LRP12: variants seen among roughly 807,000 people sequenced by gnomAD.
LRP12 encodes LDL receptor related protein 12.
A neutral mutation model predicts 66.0 loss-of-function variants in LRP12; 14 were observed. The observed-to-expected ratio is 0.21, with a 90% confidence interval of 0.14 to 0.33. LRP12 has a LOEUF of 0.33. Among genes scored for constraint, LRP12 ranks in the 10% least tolerant of loss-of-function variants. The pLI is 1.00. For synonymous variants in LRP12, 357 were observed against 359.1 expected (o/e 0.99, Z 0.07); for missense variants, 889 against 1,053.4 (o/e 0.84, Z 2.16).
intron 1 of LRP12, among the ~76,000 whole-genome samples, chr8:104,588,104 C>A (rs1812363338): frequency 1.3e-5 from 2 of 152,208 alleles, no homozygotes; most frequent in South Asian, 2.1e-4. Context: ...AATAAAGTAA[C>A]AGTGACCACA....
intron 2 of LRP12, among the ~76,000 whole-genome samples, chr8:104,510,236 G>A (rs1810971141): frequency 6.6e-6 from 1 of 152,162 alleles, no homozygotes; most frequent in South Asian, 2.1e-4. Context: ...AGAAGTTAGT[G>A]GATGATTGAA....
intron 6 of LRP12, among the ~76,000 whole-genome samples, chr8:104,493,097 CTATT>C (rs1488622638): frequency 1.3e-5 from 2 of 152,164 alleles, no homozygotes; most frequent in Non-Finnish European, 2.9e-5. Context: ...GTGAAACTCT[CTATT>C]TAGTTAAAAG....
chr8:104,562,796 A>G (rs1811934484), intron 1 of LRP12, among the ~76,000 whole-genome samples: 1 of 152,184 alleles, frequency 6.6e-6, no homozygotes, highest in Non-Finnish European at 1.5e-5. Flanking sequence ...TAATAACCTT[A>G]TTTCAAACCT....
At chr8:104,505,410 T>TC in intron 3 of LRP12, 1 of 150,154 alleles carries the variant, frequency 6.7e-6, no homozygotes, top group East Asian at 1.9e-4. Flanking sequence ...TTTTTTTTTT[T>TC]TTTTTTTTTT....
intron 1 of LRP12, among the ~76,000 whole-genome samples, chr8:104,548,850 AAG>A (rs1275559988): frequency 6.6e-6 from 1 of 151,610 alleles, no homozygotes; most frequent in East Asian, 1.9e-4. Context: ...AGGCTGAGGC[AAG>A]AGAATCGCTT....
chr8:104,548,613 A>T (rs1271264987), intron 1 of LRP12, among the ~76,000 whole-genome samples: 1,776 of 109,338 alleles, frequency 0.016, 43 homozygotes, highest in Middle Eastern at 0.031. Context: ...TATATAATTA[A>T]ATTAATTATA....
At chr8:104,499,813 G>A (rs1418866522) in intron 3 of LRP12, among the ~76,000 whole-genome samples, 1 of 143,208 alleles carries the variant, frequency 7.0e-6, no homozygotes, top group Admixed American at 6.7e-5. Context: ...CTGTGTGTAC[G>A]GTTGGGAAAG....
At chr8:104,523,203 T>G (rs1379019103) in intron 2 of LRP12, among the ~76,000 whole-genome samples, 5 of 152,260 alleles carry the variant, frequency 3.3e-5, no homozygotes, top group African/African-American at 9.6e-5. Context: ...TTTTGGAGAT[T>G]TGTGACAATT....
intron 1 of LRP12, among the ~76,000 whole-genome samples, chr8:104,562,928 GCAC>G (rs1811936690): frequency 6.6e-6 from 1 of 152,074 alleles, no homozygotes; most frequent in African/African-American, 2.4e-5. Flanking sequence ...TCATCTATCA[GCAC>G]CACAAGCAGA....
At chr8:104,506,554 G>A (rs1298083389) in intron 3 of LRP12, 1 of 152,134 alleles carries the variant, frequency 6.6e-6, no homozygotes, top group Non-Finnish European at 1.5e-5. Flanking sequence ...CTTTCATGGA[G>A]TCAGCAGGTG....
At chr8:104,551,566 G>T (rs1259677044) in intron 1 of LRP12, among the ~76,000 whole-genome samples, 1 of 151,958 alleles carries the variant, frequency 6.6e-6, no homozygotes, top group South Asian at 2.1e-4. Context: ...CCATCTTTAC[G>T]TCTGTGAATG....
chr8:104,544,054 T>C (rs1401357255), intron 1 of LRP12, among the ~76,000 whole-genome samples: 2 of 152,116 alleles, frequency 1.3e-5, no homozygotes, highest in African/African-American at 4.8e-5. Context: ...TAAAAGAAAT[T>C]AAAAGTGCAA....
intron 1 of LRP12, among the ~76,000 whole-genome samples, chr8:104,576,382 C>T (rs902442201): frequency 1.3e-5 from 2 of 151,938 alleles, no homozygotes; most frequent in Non-Finnish European, 2.9e-5. Flanking sequence ...AAGCAGGTCA[C>T]CTACAAAGGG....
chr8:104,539,796 G>A (rs1332442786), intron 1 of LRP12, among the ~76,000 whole-genome samples: 3 of 152,066 alleles, frequency 2.0e-5, no homozygotes, highest in African/African-American at 4.8e-5. Context: ...AAAAAAATGA[G>A]GGAGGAGGGC....
intron 2 of LRP12, among the ~76,000 whole-genome samples, chr8:104,530,882 A>G (rs760922911): frequency 2.3e-4 from 35 of 152,188 alleles, no homozygotes; most frequent in Non-Finnish European, 4.0e-4. Flanking sequence ...ATCATTTGAG[A>G]ATGTATTTTT....
intron 1 of LRP12, among the ~76,000 whole-genome samples, chr8:104,558,199 G>C (rs1439145942): frequency 6.6e-6 from 1 of 151,750 alleles, no homozygotes; most frequent in Non-Finnish European, 1.5e-5. Context: ...GACAGAGTAA[G>C]ACTTCATCAA....
chr8:104,489,943 T>TA lies in LRP12; in HGVS notation c.*729dup, dbSNP rs1810590943. The TA allele has an allele frequency of 6.6e-6, 1 of 152,642 alleles. No homozygotes were observed. Among genetic ancestry groups the TA allele is most frequent in the Non-Finnish European group, 1.5e-5 (1 of 68,020 alleles). The allele number at this position is 152,642 out of a possible 1,614,324, so 9.5% of individuals were successfully genotyped here. ...GCATAGTAGAATATCTTCATCCACT[T>TA]AATTCTGTTGCTAAATAGAGATGAA... On this transcript the variant is annotated 3_prime_UTR_variant, in exon 7 of 7. Transcript: ENST00000276654.
chr8:104,539,230 C>T (rs1811429858), intron 1 of LRP12, among the ~76,000 whole-genome samples: 1 of 152,040 alleles, frequency 6.6e-6, no homozygotes, highest in Non-Finnish European at 1.5e-5. Context: ...AACAATCATT[C>T]CTAAGATAAT....
intron 2 of LRP12, among the ~76,000 whole-genome samples, chr8:104,530,355 G>A (rs1165858283): frequency 1.3e-5 from 2 of 152,118 alleles, no homozygotes; most frequent in Non-Finnish European, 2.9e-5. Context: ...GAGGTTAAAT[G>A]AGGTCATAAG....
Sources: gnomAD v4.1 joint callset for allele counts (sites outside exome capture counted in the v4.1 genomes callset) on GRCh38, gnomAD v4.1.1 for gene constraint, MANE v1.5 for transcripts, NCBI Gene and HGNC (gene_info 2026-07-23, HGNC 2026-07-21) for gene names.